Variants in ERMP1 observed in about 807,000 individuals in gnomAD.
ERMP1 encodes Felix-ina.
Under a neutral mutation model 92.0 loss-of-function variants are expected in ERMP1, and 86 were observed. The observed-to-expected ratio is 0.93, with a 90% CI of 0.79 to 1.12. The LOEUF is 1.12. ERMP1 is among the 50% of genes most tolerant of loss of function. ERMP1 has a pLI of 0.00. For missense variants in ERMP1, 1,342 were observed against 1,116.3 expected (o/e 1.20, Z -2.88); for synonymous variants, 530 against 412.8 (o/e 1.28, Z -3.44).
intron 13 of ERMP1, among the ~76,000 whole-genome samples, chr9:5,791,630 C>G (rs1474646666): frequency 6.6e-6 from 1 of 152,184 alleles, no homozygotes; most frequent in African/African-American, 2.4e-5. Context: ...CACAAGCAAA[C>G]AAACTCTTTA....
intron 6 of ERMP1, among the ~76,000 whole-genome samples, chr9:5,847,178 C>A (rs1245525120): frequency 1.3e-5 from 2 of 152,078 alleles, no homozygotes; most frequent in African/African-American, 2.4e-5. Context: ...TCAATTCTTA[C>A]AATTACTCAA....
intron 13 of ERMP1, chr9:5,791,416 G>C: frequency 2.4e-6 from 1 of 418,400 alleles, no homozygotes; most frequent in Non-Finnish European, 4.8e-6. Context: ...ATTATGGAGG[G>C]CAATCTGCTT....
intron 4 of ERMP1, among the ~76,000 whole-genome samples, chr9:5,816,993 G>A (rs1160607188): frequency 1.3e-5 from 2 of 151,672 alleles, no homozygotes; most frequent in South Asian, 2.1e-4. Context: ...CTGCCTCCCG[G>A]GTTCACACCA....
At chr9:5,820,485 A>G (rs773891663) in intron 4 of ERMP1, among the ~76,000 whole-genome samples, 21 of 152,220 alleles carry the variant, frequency 1.4e-4, no homozygotes, top group Non-Finnish European at 2.9e-5. Flanking sequence ...ATATTTTCCC[A>G]AGAGGAAAAA....
At chr9:5,847,681 G>A (rs1169210580) in intron 6 of ERMP1, among the ~76,000 whole-genome samples, 1 of 152,102 alleles carries the variant, frequency 6.6e-6, no homozygotes, top group Non-Finnish European at 1.5e-5. Flanking sequence ...GGATCATGAG[G>A]TCAAGAGATC....
intron 6 of ERMP1, among the ~76,000 whole-genome samples, chr9:5,842,179 C>G (rs1242886750): frequency 6.6e-6 from 1 of 152,172 alleles, no homozygotes; most frequent in African/African-American, 2.4e-5. Context: ...GGGTGGCCAG[C>G]TTTTATTCCC....
At chr9:5,832,486 C>T (rs922046655) in intron 1 of ERMP1, 3 of 477,264 alleles carry the variant, frequency 6.3e-6, no homozygotes, top group African/African-American at 4.1e-5. Flanking sequence ...CGAGCTTAAC[C>T]GGGGACAGGC....
At chr9:5,856,607 GGAC>G (rs2129770030) in intron 6 of ERMP1, among the ~76,000 whole-genome samples, 1 of 152,218 alleles carries the variant, frequency 6.6e-6, no homozygotes, top group African/African-American at 2.4e-5. Context: ...CCCTGTGCGG[GGAC>G]TAACTCAGCC....
chr9:5,849,427 T>C (rs1022056758), intron 6 of ERMP1, among the ~76,000 whole-genome samples: 1 of 152,182 alleles, frequency 6.6e-6, no homozygotes, highest in Non-Finnish European at 1.5e-5. Flanking sequence ...GGAGGAGAAC[T>C]GACTTAGCCA....
chr9:5,850,047 G>A (rs903075494), intron 6 of ERMP1, among the ~76,000 whole-genome samples: 6 of 152,182 alleles, frequency 3.9e-5, no homozygotes, highest in Non-Finnish European at 7.3e-5. Context: ...AACCCAGAGT[G>A]TTTAAGGAAT....
At chr9:5,819,438 T>C (rs746723955) in intron 4 of ERMP1, among the ~76,000 whole-genome samples, 5 of 152,302 alleles carry the variant, frequency 3.3e-5, no homozygotes, top group South Asian at 4.1e-4. Context: ...ATAAAGGCCA[T>C]TGCAACCTCA....
chr9:5,842,830 T>A (rs1732278914), intron 6 of ERMP1, among the ~76,000 whole-genome samples: 2 of 152,238 alleles, frequency 1.3e-5, no homozygotes, highest in Admixed American at 1.3e-4. Flanking sequence ...AGAAAATCAA[T>A]AAACAGATCT....
At position 5,787,496 on chromosome 9, in the gene ERMP1, T is replaced by A; in HGVS notation, c.2484A>T (p.Gly828=). ...GNGTPVTSKG[G]DYFVFYSHGL... ...CATGGGAGTAAAAGACAAAGTAGTC[T>A]CCTCCTTTACTTGTGACTGGGGTGC... Residue 828 remains glycine (G), a synonymous_variant, in exon 14 of 15, where the codon GGA becomes GGT. Transcript: ENST00000339450. The A allele has an allele frequency of 6.2e-7, 1 of 1,614,050 alleles. No individual in the cohort carries two copies. The highest frequency in any genetic ancestry group is 8.5e-7 in the Non-Finnish European group (1 of 1,179,902).
chr9:5,811,775 G>A (rs1351339131), intron 6 of ERMP1, among the ~76,000 whole-genome samples: 1 of 152,194 alleles, frequency 6.6e-6, no homozygotes, highest in African/African-American at 2.4e-5. Context: ...GAAGCTCAGA[G>A]ATGCTGAACA....
At chr9:5,813,553 C>G (rs982817393) in intron 4 of ERMP1, among the ~76,000 whole-genome samples, 2 of 151,918 alleles carry the variant, frequency 1.3e-5, no homozygotes, top group African/African-American at 2.4e-5. Flanking sequence ...AGTAAGCATC[C>G]CTAATCCTAA....
At chr9:5,795,754 G>C (rs375333876) in intron 13 of ERMP1, among the ~76,000 whole-genome samples, 29 of 152,218 alleles carry the variant, frequency 1.9e-4, no homozygotes, top group African/African-American at 6.7e-4. Context: ...CTCCAGCCTA[G>C]GTGACAGAGT....
At chr9:5,846,401 CT>C (rs1214302106) in intron 6 of ERMP1, among the ~76,000 whole-genome samples, 1 of 152,210 alleles carries the variant, frequency 6.6e-6, no homozygotes, top group African/African-American at 2.4e-5. Flanking sequence ...CCCTCTGAGG[CT>C]GTTTCCTCAT....
At chr9:5,789,284 A>G (rs1266885034) in intron 13 of ERMP1, among the ~76,000 whole-genome samples, 1 of 152,214 alleles carries the variant, frequency 6.6e-6, no homozygotes, top group Non-Finnish European at 1.5e-5. Context: ...AAGTTTGATC[A>G]AATAACTTAC....
At chr9:5,820,932 A>G (rs1829511420) in intron 4 of ERMP1, among the ~76,000 whole-genome samples, 1 of 152,354 alleles carries the variant, frequency 6.6e-6, no homozygotes, top group South Asian at 2.1e-4. Context: ...GAAAGGTATC[A>G]GAATGTCAGA....
Sources: allele counts gnomAD v4.1 joint callset (sites outside exome capture counted in the v4.1 genomes callset), GRCh38; gene constraint gnomAD v4.1.1; transcripts MANE v1.5; gene names NCBI Gene and HGNC (gene_info 2026-07-23, HGNC 2026-07-21).